LIFR: variants seen among roughly 807,000 people sequenced by gnomAD.
LIFR encodes the protein leukemia inhibitory factor receptor.
LIFR carries 84 observed loss-of-function variants against 122.2 expected under a neutral mutation model. The observed-to-expected ratio is 0.69, with a 90% CI of 0.58 to 0.82. The LOEUF (loss-of-function observed/expected upper bound fraction) is 0.82, where lower values mean the gene tolerates loss of function less well. Among genes scored for constraint, LIFR ranks in the 40% least tolerant of loss-of-function variants. LIFR has a pLI of 0.00. For missense variants in LIFR, 1,294 were observed against 1,311.6 expected, an observed-to-expected ratio of 0.99 and a Z score of 0.21; for synonymous variants, 422 against 434.7, an observed-to-expected ratio of 0.97 and a Z score of 0.36.
chr5:38,485,021 T>A (rs1744207575), intron 17 of LIFR, among the ~76,000 whole-genome samples, 153 bp from the exon 18 acceptor site: 2 of 151,854 alleles, frequency 1.3e-5, no homozygotes, highest in Non-Finnish European at 2.9e-5. Flanking sequence ...AAAATCAAAC[T>A]TTCAGGTATT....
In LIFR at chr5:38,496,420, G is replaced by C; in HGVS notation, c.1847C>G (p.Ser616Ter). ...SVVAKNSVGS[S>*]PPSKIASMEI... is the part of the protein sequence containing the mutation. ...CATACTCGCTATTTTGGAAGGTGGT[G>C]ATGAGCCCACAGAATTTTTAGCCAC... is the stretch of plus-strand genomic sequence containing the variant. Residue 616 changes from serine to a stop codon, truncating the protein, a stop_gained, in exon 13 of 20, where the codon TCA (serine) becomes TGA (stop). Transcript: ENST00000453190. LOFTEE classifies it high-confidence loss of function. 1 of 1,614,076 alleles carries C rather than the reference G, an allele frequency of 6.2e-7. No individual in the cohort carries two copies. Among genetic ancestry groups the C allele is most frequent in the South Asian group, 1.1e-5 (1 of 91,078 alleles).
upstream of LIFR, among the ~76,000 whole-genome samples, chr5:38,561,203 A>C (rs1456187636): frequency 1.3e-5 from 2 of 152,184 alleles, no homozygotes; most frequent in Non-Finnish European, 2.9e-5. Context: ...CACATATCCA[A>C]GTTAAGAGGG....
At chr5:38,581,836 G>A (rs1749591904) in intron 1 of LIFR, among the ~76,000 whole-genome samples, 1 of 152,104 alleles carries the variant, frequency 6.6e-6, no homozygotes, top group South Asian at 2.1e-4. Context: ...ACAAGTAATT[G>A]GAAACAATAA....
chr5:38,597,901 A>T (rs1750138066), upstream of LIFR, among the ~76,000 whole-genome samples: 1 of 152,176 alleles, frequency 6.6e-6, no homozygotes, highest in Admixed American at 6.5e-5. Flanking sequence ...TATTTATTTT[A>T]TGCATAAAGC....
chr5:38,581,649 G>A (rs147487940), intron 1 of LIFR, among the ~76,000 whole-genome samples: 2 of 152,226 alleles, frequency 1.3e-5, no homozygotes, highest in African/African-American at 4.8e-5. Context: ...GGTCCTTTCT[G>A]GAAATGGTTT....
At chr5:38,545,247 G>A (rs1186490633) in intron 1 of LIFR, among the ~76,000 whole-genome samples, 6 of 151,408 alleles carry the variant, frequency 4.0e-5, no homozygotes, top group African/African-American at 1.5e-4. Flanking sequence ...TCCAGCCTGG[G>A]TGACAGACCA....
rs973269342 is a variant in LIFR at position 38,510,918 on chromosome 5, G to A, written c.737-200C>T. 6.7e-5 allele frequency among the ~76,000 whole-genome samples: 10 copies of A among 148,962 alleles called. 1 individual carries two copies. The highest frequency in any genetic ancestry group is 6.7e-4 in the East Asian group (2 of 2,976). Reference sequence around the variant, plus strand: ...GGTTTTGTAGGAGCAAGATATATACGATAAATTTTTTAAAAGTGTATGTGG... The same window carrying A: ...GGTTTTGTAGGAGCAAGATATATACAATAAATTTTTTAAAAGTGTATGTGG... On this transcript the variant is annotated intron_variant, in intron 6 of 19. Coordinates refer to ENST00000453190, the MANE Select transcript of LIFR (RefSeq NM_001127671.2).
Position 38,527,310 on chromosome 5 carries a change from G to T in LIFR, c.258-16C>A. The T allele has an allele frequency of 2.7e-6, 4 of 1,500,622 alleles. No individual in the cohort carries two copies. The highest frequency in any genetic ancestry group is 1.2e-5 in the South Asian group (1 of 86,354). The allele number at this position is 1,500,622 out of a possible 1,614,324, so 93.0% of individuals were successfully genotyped here. On this transcript the variant is annotated splice_polypyrimidine_tract_variant and intron_variant, in intron 3 of 19. Coordinates refer to ENST00000453190, the MANE Select transcript of LIFR (RefSeq NM_001127671.2). ...AGAACGGGACCTGTAATAAGAAATT[G>T]AATTTTAATTAGCAAATAAAATTAA... is the stretch of plus-strand genomic sequence containing the variant.
chr5:38,529,950 G>A (rs1746912117), intron 2 of LIFR, among the ~76,000 whole-genome samples: 1 of 152,020 alleles, frequency 6.6e-6, no homozygotes, highest in Non-Finnish European at 1.5e-5. Flanking sequence ...CTAAACCAAC[G>A]GGCAGGAGGA....
intron 13 of LIFR, among the ~76,000 whole-genome samples, chr5:38,495,405 C>T (rs1164562287): frequency 6.6e-6 from 1 of 151,904 alleles, no homozygotes; most frequent in African/African-American, 2.4e-5. Context: ...ATTATTAAGC[C>T]CCTCCTCCCA....
At chr5:38,532,431 G>A (rs866655609) in intron 1 of LIFR, among the ~76,000 whole-genome samples, 17 of 152,168 alleles carry the variant, frequency 1.1e-4, no homozygotes, top group African/African-American at 1.7e-4. Context: ...TTCCCAAAGC[G>A]AAGCTGTAAT....
At chr5:38,582,268 C>T (rs1438385938) in intron 1 of LIFR, among the ~76,000 whole-genome samples, 1 of 152,008 alleles carries the variant, frequency 6.6e-6, no homozygotes, top group Non-Finnish European at 1.5e-5. Flanking sequence ...AACATACTGA[C>T]AGAATGAATA....
Position 38,500,870 on chromosome 5 carries a change from C to T in LIFR, c.1601-1287G>A, listed in dbSNP as rs559277137. ...AGTAGACATAATGGTATGTTACTTCCGATTTTAGAGCATAAAAGATACTGT... is the reference window on the plus strand; with the variant it reads ...AGTAGACATAATGGTATGTTACTTCTGATTTTAGAGCATAAAAGATACTGT... On this transcript the variant is annotated intron_variant, in intron 11 of 19. Transcript: ENST00000453190. 4.6e-5 allele frequency among the ~76,000 whole-genome samples: 7 copies of T among 152,194 alleles called. 1 individual carries two copies. In the South Asian group the frequency reaches 1.0e-3, roughly 23 times the overall value.
chr5:38,491,024 TCTC>T, intron 14 of LIFR, among the ~76,000 whole-genome samples: 1 of 152,300 alleles, frequency 6.6e-6, no homozygotes, highest in East Asian at 1.9e-4. Context: ...CCCACTGCTC[TCTC>T]CTCTTGTTCC....
chr5:38,497,092 T>A (rs1226871807), intron 12 of LIFR, among the ~76,000 whole-genome samples: 1 of 152,154 alleles, frequency 6.6e-6, no homozygotes, highest in Admixed American at 6.5e-5. Flanking sequence ...GGTCAGCAGT[T>A]CGAGACCAGC....
chr5:38,586,599 T>C, intron 1 of LIFR, among the ~76,000 whole-genome samples: 1 of 152,188 alleles, frequency 6.6e-6, no homozygotes, highest in Non-Finnish European at 1.5e-5. Context: ...TGCTAACATG[T>C]AGATTCCTAT....
chr5:38,528,544 C>T (rs891242965), intron 3 of LIFR, 182 bp downstream of exon 3: 3 of 636,064 alleles, frequency 4.7e-6, no homozygotes, highest in Non-Finnish European at 8.7e-6. Flanking sequence ...ACCTTGCCAT[C>T]ACACCTCATA....
At chr5:38,506,426 T>C in intron 8 of LIFR, 77 bp downstream of exon 8, 1 of 1,495,950 alleles carries the variant, frequency 6.7e-7, no homozygotes, top group South Asian at 1.1e-5. Context: ...AATGATCTAG[T>C]GCAGTTCCCT....
intron 1 of LIFR, chr5:38,607,605 T>C (rs1242760645): frequency 6.6e-6 from 1 of 152,144 alleles, no homozygotes; most frequent in East Asian, 1.9e-4. Flanking sequence ...TCTAGCAGAA[T>C]AGAACGTCTT....
Sources: gnomAD v4.1 joint callset for allele counts (sites outside exome capture counted in the v4.1 genomes callset) on GRCh38, gnomAD v4.1.1 for gene constraint, MANE v1.5 for transcripts, NCBI Gene and HGNC (gene_info 2026-07-23, HGNC 2026-07-21) for gene names.